Variants in MYO3A observed in about 807,000 individuals in gnomAD.
MYO3A encodes myosin-IIIa.
MYO3A carries 180 observed loss-of-function variants against 192.7 expected under a neutral mutation model. The ratio of observed to expected loss-of-function variants is 0.93; its 90% CI spans 0.83 to 1.06. MYO3A has a LOEUF of 1.06. MYO3A is among the 50% of genes least tolerant of loss of function. The pLI is 0.00. For synonymous variants in MYO3A, 628 were observed against 645.3 expected (o/e 0.97, Z 0.41); for missense variants, 1,896 against 1,905.0 (o/e 1.00, Z 0.09).
intron 15 of MYO3A, among the ~76,000 whole-genome samples, chr10:26,094,332 A>C (rs930049493): frequency 6.6e-6 from 1 of 151,898 alleles, no homozygotes; most frequent in African/African-American, 2.4e-5. Flanking sequence ...ACTCCACTGC[A>C]TTATTGGAAG....
At chr10:26,031,735 T>C (rs933844984) in intron 10 of MYO3A, among the ~76,000 whole-genome samples, 44 of 152,360 alleles carry the variant, frequency 2.9e-4, no homozygotes, top group African/African-American at 9.6e-4. Flanking sequence ...TGGGCTCAAG[T>C]GATCCTCCTG....
chr10:26,114,559 G>A (rs529025861), intron 17 of MYO3A, among the ~76,000 whole-genome samples: 17 of 150,976 alleles, frequency 1.1e-4, no homozygotes, highest in Non-Finnish European at 2.5e-4. Context: ...AAAGTTTGAC[G>A]TCAAAAGAAG....
intron 4 of MYO3A, among the ~76,000 whole-genome samples, chr10:25,980,236 CAA>C (rs777578393): frequency 1.9e-4 from 13 of 67,978 alleles, no homozygotes; most frequent in Admixed American, 3.5e-4. Context: ...GACTCCGTCT[CAA>C]AAAAAAAAAA....
At chr10:26,121,890 C>A (rs1280663021) in intron 18 of MYO3A, among the ~76,000 whole-genome samples, 1 of 152,168 alleles carries the variant, frequency 6.6e-6, no homozygotes, top group African/African-American at 2.4e-5. Context: ...CTGGACCTGT[C>A]CCCAGCATCC....
intron 10 of MYO3A, among the ~76,000 whole-genome samples, chr10:26,035,503 C>G (rs1425469139): frequency 1.3e-5 from 2 of 152,148 alleles, no homozygotes; most frequent in African/African-American, 4.8e-5. Flanking sequence ...TGCAATCTGC[C>G]CACTTGTGCT....
At chr10:26,208,733 G>A (rs1457969364) in intron 34 of MYO3A, among the ~76,000 whole-genome samples, 6 of 152,110 alleles carry the variant, frequency 3.9e-5, no homozygotes, top group Admixed American at 3.9e-4. Context: ...CTTGCCAAAG[G>A]TTTTTTTCTT....
chr10:26,109,449 T>C (rs1838024820), intron 17 of MYO3A, among the ~76,000 whole-genome samples: 1 of 152,218 alleles, frequency 6.6e-6, no homozygotes, highest in Admixed American at 6.5e-5. Context: ...GGTAAATGAA[T>C]CTTCTCTTTG....
intron 9 of MYO3A, among the ~76,000 whole-genome samples, chr10:26,024,838 C>G (rs1157339129): frequency 6.6e-6 from 1 of 152,138 alleles, no homozygotes; most frequent in African/African-American, 2.4e-5. Context: ...AGTATTCTGT[C>G]CTGGTTGCTA....
At chr10:26,049,474 G>A (rs1168179245) in intron 10 of MYO3A, among the ~76,000 whole-genome samples, 1 of 152,090 alleles carries the variant, frequency 6.6e-6, no homozygotes, top group African/African-American at 2.4e-5. Context: ...AGATACTAGA[G>A]CACAGGTTGT....
At chr10:26,066,858 TATC>T (rs1834877532) in intron 10 of MYO3A, 114 bp from the exon 11 acceptor site, 2 of 706,090 alleles carry the variant, frequency 2.8e-6, no homozygotes, top group African/African-American at 3.6e-5. Flanking sequence ...TCTGGTATCT[TATC>T]ATTGAATTTA....
intron 20 of MYO3A, among the ~76,000 whole-genome samples, chr10:26,129,894 G>A (rs1589007358): frequency 2.0e-5 from 3 of 152,128 alleles, no homozygotes; most frequent in African/African-American, 4.8e-5. Flanking sequence ...AAAATTTTTG[G>A]TTTGAACTTT....
intron 4 of MYO3A, among the ~76,000 whole-genome samples, chr10:25,990,979 G>GC (rs1242518649): frequency 6.6e-6 from 1 of 152,142 alleles, no homozygotes; most frequent in Non-Finnish European, 1.5e-5. Context: ...ACATATGTGT[G>GC]CATGTGTCTT....
intron 10 of MYO3A, among the ~76,000 whole-genome samples, chr10:26,064,280 A>G (rs1834679706): frequency 6.6e-6 from 1 of 152,230 alleles, no homozygotes; most frequent in Admixed American, 6.5e-5. Flanking sequence ...AGAAAATGGC[A>G]TTCCACTCAG....
chr10:26,051,767 A>T (rs1247206139), intron 10 of MYO3A, among the ~76,000 whole-genome samples: 1 of 151,960 alleles, frequency 6.6e-6, no homozygotes, highest in East Asian at 1.9e-4. Context: ...CTTGCCACCT[A>T]TTTTTGTGAA....
rs1473627137 is a variant in MYO3A, at chr10:25,987,399, G to T, written c.304-9091G>T. Among the ~76,000 whole-genome samples the T allele has an allele frequency of 3.9e-5, 6 of 152,260 alleles. No individual in the cohort carries two copies. In the East Asian group the frequency reaches 1.2e-3, roughly 29 times the overall value. The stretch of plus-strand genomic sequence containing the variant: ...ACTAAAAAGCTTCTGCGCAGCAAAA[G>T]AAATAATCAGTAGAGTTAGCAGACA... On this transcript the variant is annotated intron_variant, in intron 4 of 34. Coordinates refer to ENST00000642920, the MANE Select transcript of MYO3A (RefSeq NM_017433.5).
At chr10:26,103,077 T>C (rs557177697) in intron 17 of MYO3A, among the ~76,000 whole-genome samples, 11 of 152,364 alleles carry the variant, frequency 7.2e-5, no homozygotes, top group African/African-American at 2.6e-4. Context: ...CTGCTTTGTT[T>C]ACCTACTCAA....
At position 26,157,105 on chromosome 10, in the gene MYO3A, T is replaced by A. The variant is rs7084000; in HGVS notation, c.2794-205T>A. ...TAAATTTCTAGTTACTGCCTCTACA[T>A]TTTTATAAGTAAATCTGTATTTTTT... is the stretch of plus-strand genomic sequence containing the variant. On this transcript the variant is annotated intron_variant, in intron 25 of 34. Coordinates refer to ENST00000642920, the MANE Select transcript of MYO3A (RefSeq NM_017433.5). Among the ~76,000 whole-genome samples, 61,987 of 151,978 alleles carry A rather than the reference T, an allele frequency of 0.41. 12,863 individuals carry two copies. The highest frequency in any genetic ancestry group is 0.52 in the Middle Eastern group (152 of 294).
chr10:26,159,526 C>G (rs963945208), intron 26 of MYO3A, among the ~76,000 whole-genome samples: 3 of 150,880 alleles, frequency 2.0e-5, no homozygotes, highest in African/African-American at 7.3e-5. Context: ...ACTACAGGTG[C>G]CCACCACCAC....
chr10:26,102,686 G>T (rs1328797966), intron 17 of MYO3A, among the ~76,000 whole-genome samples: 2 of 152,142 alleles, frequency 1.3e-5, no homozygotes, highest in African/African-American at 4.8e-5. Context: ...TGTTTGTCTG[G>T]GTATCACCAG....
Sources: gnomAD v4.1 joint callset for allele counts (sites outside exome capture counted in the v4.1 genomes callset) on GRCh38, gnomAD v4.1.1 for gene constraint, MANE v1.5 for transcripts, NCBI Gene and HGNC (gene_info 2026-07-23, HGNC 2026-07-21) for gene names.